Variants in FAR2 observed in about 807,000 individuals in gnomAD.
FAR2 encodes the protein epididymis secretory protein Li 81.
In FAR2, 19 loss-of-function variants were observed where a neutral mutation model predicts 56.0. That is an observed-to-expected ratio of 0.34 (90% CI 0.24 to 0.50). The LOEUF is 0.50. Among genes scored for constraint, FAR2 ranks in the 20% least tolerant of loss-of-function variants. The pLI is 0.98. For synonymous variants in FAR2, 219 were observed against 218.8 expected (o/e 1.00, Z -0.01); for missense variants, 508 against 642.2 (o/e 0.79, Z 2.26).
intron 2 of FAR2, among the ~76,000 whole-genome samples, chr12:29,283,770 T>A (rs1238449512): frequency 6.6e-6 from 1 of 152,240 alleles, no homozygotes; most frequent in African/African-American, 2.4e-5. Context: ...TCCGAGCTGC[T>A]GTTTCATCTC....
At chr12:29,328,546 C>T (rs904650147) in intron 10 of FAR2, among the ~76,000 whole-genome samples, 12 of 152,052 alleles carry the variant, frequency 7.9e-5, no homozygotes, top group African/African-American at 2.7e-4. Context: ...ACATATACAC[C>T]ATGGAATACT....
chr12:29,255,647 G>A (rs374314024), intron 1 of FAR2, among the ~76,000 whole-genome samples: 4 of 150,444 alleles, frequency 2.7e-5, no homozygotes, highest in African/African-American at 9.8e-5. Flanking sequence ...TTTTTGAGAT[G>A]GAGTTTCGTT....
rs559969655 is a variant in FAR2, at chr12:29,312,012, A to T, written c.955+62A>T. 3 of 1,244,774 alleles carry T rather than the reference A, an allele frequency of 2.4e-6. No individual in the cohort carries two copies. In the African/African-American group the frequency reaches 4.5e-5, roughly 19 times the overall value. 77.1% of individuals were successfully genotyped at this position (1,244,774 alleles called of 1,614,324 possible). ...TGTCTGGCACAGAGAAAAAGTTGAC[A>T]AAGTGTGTCATGGAGCTTAGAGCTT... On this transcript the variant is annotated intron_variant, in intron 8 of 11. Transcript: ENST00000536681.
At chr12:29,231,804 T>G (rs1351316663) in intron 1 of FAR2, among the ~76,000 whole-genome samples, 1 of 152,136 alleles carries the variant, frequency 6.6e-6, no homozygotes, top group African/African-American at 2.4e-5. Flanking sequence ...ACACCTACCA[T>G]GCACTATGGA....
At chr12:29,276,875 T>TTATA (rs925244145) in intron 2 of FAR2, among the ~76,000 whole-genome samples, 2 of 150,442 alleles carry the variant, frequency 1.3e-5, no homozygotes, top group East Asian at 3.9e-4. Context: ...AATCTCTAGA[T>TTATA]TATATATATA....
chr12:29,208,273 G>A (rs898540045), intron 1 of FAR2, among the ~76,000 whole-genome samples: 11 of 152,124 alleles, frequency 7.2e-5, no homozygotes, highest in Admixed American at 5.2e-4. Context: ...GGCACTGCTG[G>A]TGACCTCCAC....
chr12:29,184,995 T>G (rs560645584), intron 1 of FAR2, among the ~76,000 whole-genome samples: 2 of 152,320 alleles, frequency 1.3e-5, no homozygotes, highest in Admixed American at 1.3e-4. Flanking sequence ...AAACCTCAGT[T>G]TCCTCTTAAT....
chr12:29,325,862 C>T (rs11050194), intron 10 of FAR2, among the ~76,000 whole-genome samples: 46,897 of 151,854 alleles, frequency 0.31, 7,325 homozygotes, highest in East Asian at 0.35. Context: ...AGAGCAAACA[C>T]ATTCAAAAGC....
chr12:29,324,544 T>G (rs1042242379), intron 10 of FAR2, among the ~76,000 whole-genome samples: 4 of 152,146 alleles, frequency 2.6e-5, no homozygotes, highest in Admixed American at 2.6e-4. Context: ...GACTAACAGA[T>G]GATCTCTCGG....
At chr12:29,281,668 A>G (rs1948785336) in intron 2 of FAR2, 1 of 152,140 alleles carries the variant, frequency 6.6e-6, no homozygotes. Flanking sequence ...GCTTGGCATA[A>G]GTAAAAGACA....
chr12:29,198,751 A>G (rs1360707199), intron 1 of FAR2, among the ~76,000 whole-genome samples: 1 of 152,082 alleles, frequency 6.6e-6, no homozygotes, highest in Non-Finnish European at 1.5e-5. Context: ...AAAGACCACA[A>G]TTATTTTTAG....
rs183161544 is a variant in FAR2 at position 29,296,147 on chromosome 12, C to T, written c.366-874C>T. 3.5e-3 allele frequency among the ~76,000 whole-genome samples: 535 copies of T among 152,226 alleles called. 5 individuals are homozygous for T. Among genetic ancestry groups the T allele is most frequent in the African/African-American group, 0.012 (498 of 41,546 alleles). The stretch of plus-strand genomic sequence containing the variant: ...TTTTTTAAAAAGCTGCTTCTGTTTT[C>T]CATGTATGCAATTATATAATCCGAC... On this transcript the variant is annotated intron_variant, in intron 3 of 11. Coordinates refer to ENST00000536681, the MANE Select transcript of FAR2 (RefSeq NM_001271783.2).
chr12:29,214,672 T>A (rs574492914), intron 1 of FAR2, among the ~76,000 whole-genome samples: 1 of 151,860 alleles, frequency 6.6e-6, no homozygotes, highest in South Asian at 2.1e-4. Flanking sequence ...AATAAAAAAA[T>A]TAGCTAGGCG....
chr12:29,189,873 G>C (rs181028288), intron 1 of FAR2, among the ~76,000 whole-genome samples: 43 of 152,278 alleles, frequency 2.8e-4, no homozygotes, highest in African/African-American at 1.0e-3. Flanking sequence ...ATATAGGTTT[G>C]AATTAGGATG....
Position 29,270,431 on chromosome 12 carries a change from T to C in FAR2, c.-19T>C. 1 of 1,520,394 alleles carries C rather than the reference T, an allele frequency of 6.6e-7. No individual in the cohort carries two copies. Among genetic ancestry groups the C allele is most frequent in the East Asian group, 2.3e-5 (1 of 42,662 alleles). 94.2% of individuals were successfully genotyped at this position (1,520,394 alleles called of 1,614,324 possible). On this transcript the variant is annotated 5_prime_UTR_variant, in exon 2 of 12. Coordinates refer to ENST00000536681, the MANE Select transcript of FAR2 (RefSeq NM_001271783.2). ...TTTCAGGAACCTCTTTCAGGAGCTA[T>C]AAAAGAAAGGGAGGAATCATGTCCA...
intron 2 of FAR2, among the ~76,000 whole-genome samples, chr12:29,276,052 C>A (rs1334573260): frequency 6.6e-6 from 1 of 152,122 alleles, no homozygotes; most frequent in South Asian, 2.1e-4. Context: ...GGCAGACAGA[C>A]CTGGGTGTGA....
rs774808056 is a variant in FAR2, at chr12:29,297,135, G to A, written c.480G>A (p.Leu160=). 4 of 1,613,880 alleles carry A rather than the reference G, an allele frequency of 2.5e-6. No individual in the cohort carries two copies. The South Asian group carries it at 4.4e-5, about 18-fold the overall frequency. ...HISTAYSNCN[L]KHIDEVIYPC... is the part of the protein sequence containing the mutation. The stretch of plus-strand genomic sequence containing the variant: ...CTACTGCCTATTCAAATTGTAACCT[G>A]AAGCACATCGATGAAGTTATCTATC... The change falls in exon 4 of 12, where the codon CTG becomes CTA. Residue 160 remains leucine (L), a synonymous_variant. Transcript: ENST00000536681.
At chr12:29,192,877 A>G (rs1272299601) in intron 1 of FAR2, among the ~76,000 whole-genome samples, 1 of 141,056 alleles carries the variant, frequency 7.1e-6, no homozygotes, top group Non-Finnish European at 1.5e-5. Context: ...AAGAGACTCA[A>G]AACAAATGCT....
chr12:29,189,016 G>A (rs1950074439), intron 1 of FAR2, among the ~76,000 whole-genome samples: 2 of 152,066 alleles, frequency 1.3e-5, no homozygotes, highest in African/African-American at 4.8e-5. Flanking sequence ...AGTTCCGGTA[G>A]TGCTTGCTTA....
Sources: allele counts gnomAD v4.1 joint callset (sites outside exome capture counted in the v4.1 genomes callset), GRCh38; gene constraint gnomAD v4.1.1; transcripts MANE v1.5; gene names NCBI Gene and HGNC (gene_info 2026-07-23, HGNC 2026-07-21).